NTNG2: variants seen among roughly 807,000 people sequenced by gnomAD.
NTNG2 encodes the protein netrin-G2.
Under a neutral mutation model 47.6 loss-of-function variants are expected in NTNG2, and 15 were observed. The observed-to-expected ratio is 0.32, with a 90% CI of 0.21 to 0.49. The LOEUF is 0.49. NTNG2 is among the 20% of genes least tolerant of loss of function. NTNG2 has a pLI of 0.99. For synonymous variants in NTNG2, 307 were observed against 324.6 expected (o/e 0.95, Z 0.58); for missense variants, 578 against 764.6 (o/e 0.76, Z 2.88).
At position 132,162,583 on chromosome 9, in the gene NTNG2, T is replaced by A. The variant is rs1456272210; in HGVS notation, c.-484+344T>A. Among the ~76,000 whole-genome samples the A allele has an allele frequency of 3.0e-5, 4 of 133,944 alleles. No individual in the cohort carries two copies. The highest frequency in any genetic ancestry group is 4.3e-4 in the East Asian group (2 of 4,630). 87.9% of individuals were successfully genotyped at this position (133,944 alleles called of 152,430 possible). On this transcript the variant is annotated intron_variant, in intron 1 of 7. Coordinates refer to ENST00000393229, the MANE Select transcript of NTNG2 (RefSeq NM_032536.4). This position sits in a 1 kb window ranked among gnomAD's most constrained non-coding sequence, Gnocchi z 4.6. The stretch of plus-strand genomic sequence containing the variant: ...GAGAGAGACAGAGTGTGTGTGTGTG[T>A]GTGTGTGTGTGTGTGTGTGTGTGTG...
Position 132,208,855 on chromosome 9 carries a change from C to T in NTNG2, c.857+10246C>T, listed in dbSNP as rs1005350383. Among the ~76,000 whole-genome samples the T allele has an allele frequency of 6.6e-6, 1 of 151,738 alleles. No individual in the cohort carries two copies. Among genetic ancestry groups the T allele is most frequent in the Non-Finnish European group, 1.5e-5 (1 of 68,012 alleles). ...ACCACAGCCTGGGCCCACAACAGCCCGTCTCTCCAAGAACTCCCGTCCCGA... is the reference window on the plus strand; with the variant it reads ...ACCACAGCCTGGGCCCACAACAGCCTGTCTCTCCAAGAACTCCCGTCCCGA... On this transcript the variant is annotated intron_variant, in intron 3 of 7. Transcript: ENST00000393229. The surrounding 1 kb of genome is among the most constrained non-coding windows in gnomAD (Gnocchi z 4.0).
Position 132,226,313 on chromosome 9 carries a change from G to T in NTNG2, c.858-536G>T, listed in dbSNP as rs1840752524. Reference sequence around the variant, plus strand: ...AATACACCTGTGAATGAACTGACGGGGGTGTGGGAGTTGGGGGTTCTATCT... The same window carrying T: ...AATACACCTGTGAATGAACTGACGGTGGTGTGGGAGTTGGGGGTTCTATCT... On this transcript the variant is annotated intron_variant, in intron 3 of 7. Coordinates refer to ENST00000393229, the MANE Select transcript of NTNG2 (RefSeq NM_032536.4). This position sits in a 1 kb window ranked among gnomAD's most constrained non-coding sequence, Gnocchi z 4.8. Among the ~76,000 whole-genome samples, 2 of 152,202 alleles carry T rather than the reference G, an allele frequency of 1.3e-5. No individual in the cohort carries two copies. Among genetic ancestry groups the T allele is most frequent in the Non-Finnish European group, 2.9e-5 (2 of 68,042 alleles).
rs970259797 is a variant in NTNG2 at position 132,197,338 on chromosome 9, G to A, written c.214-628G>A. ...TGGGAGGTGGAGGTTGCTGTGAGCC[G>A]AGATCGCCCCACTGCACTCCATCCT... On this transcript the variant is annotated intron_variant, in intron 2 of 7. Transcript: ENST00000393229. The surrounding 1 kb of genome is among the most constrained non-coding windows in gnomAD (Gnocchi z 4.3). 4.6e-5 allele frequency among the ~76,000 whole-genome samples: 7 copies of A among 152,094 alleles called. No individual in the cohort carries two copies. Among genetic ancestry groups the A allele is most frequent in the Non-Finnish European group, 7.4e-5 (5 of 68,020 alleles).
intron 3 of NTNG2, among the ~76,000 whole-genome samples, chr9:132,204,822 T>A (rs1839048829): frequency 6.6e-6 from 1 of 152,142 alleles, no homozygotes; most frequent in Non-Finnish European, 1.5e-5. Context: ...GTGCCTGTAA[T>A]CCTAGCACTT....
intron 3 of NTNG2, among the ~76,000 whole-genome samples, chr9:132,222,255 C>T (rs1464519756): frequency 6.6e-6 from 1 of 152,170 alleles, no homozygotes; most frequent in Non-Finnish European, 1.5e-5. Context: ...GGTTTAAGCA[C>T]AGAAACTTTC....
At position 132,208,078 on chromosome 9, in the gene NTNG2, T is replaced by C. The variant is rs1427388872; in HGVS notation, c.857+9469T>C. On this transcript the variant is annotated intron_variant, in intron 3 of 7. Coordinates refer to ENST00000393229, the MANE Select transcript of NTNG2 (RefSeq NM_032536.4). The surrounding 1 kb of genome is among the most constrained non-coding windows in gnomAD (Gnocchi z 4.0). ...ATGACTGTGCTACTGCACTCCAGCC[T>C]GGGCAACAGAGCGAGACCCTATCTC... is the stretch of plus-strand genomic sequence containing the variant. Among the ~76,000 whole-genome samples, 1 of 152,070 alleles carries C rather than the reference T, an allele frequency of 6.6e-6. No individual in the cohort carries two copies. The highest frequency in any genetic ancestry group is 6.5e-5 in the Admixed American group (1 of 15,268).
At chr9:132,179,156 C>T (rs1836731862) in intron 2 of NTNG2, among the ~76,000 whole-genome samples, 2 of 151,928 alleles carry the variant, frequency 1.3e-5, no homozygotes, top group South Asian at 2.1e-4. Flanking sequence ...GGGGCCCTCC[C>T]CAACCAGGTC....
chr9:132,214,452 G>A (rs1839828451), intron 3 of NTNG2, among the ~76,000 whole-genome samples: 1 of 152,234 alleles, frequency 6.6e-6, no homozygotes, highest in African/African-American at 2.4e-5. Context: ...ACGTTTCCCA[G>A]AGAACTGGTG....
At chr9:132,176,304 T>G (rs115936541) in intron 2 of NTNG2, among the ~76,000 whole-genome samples, 2,498 of 152,330 alleles carry the variant, frequency 0.016, 69 homozygotes, top group African/African-American at 0.056. Flanking sequence ...CCCAACACGT[T>G]TCCATCGCCC....
rs910844213 is a variant in NTNG2 at position 132,218,390 on chromosome 9, T to G, written c.858-8459T>G. On this transcript the variant is annotated intron_variant, in intron 3 of 7. Coordinates refer to ENST00000393229, the MANE Select transcript of NTNG2 (RefSeq NM_032536.4). This position sits in a 1 kb window ranked among gnomAD's most constrained non-coding sequence, Gnocchi z 5.4. ...GCTAATGTTCTAATTCGGGTGGCAC[T>G]CTCAGAACAGTTCCTCATGCAAAGT... 6.6e-6 allele frequency among the ~76,000 whole-genome samples: 1 copy of G among 152,228 alleles called. No individual in the cohort carries two copies. The highest frequency in any genetic ancestry group is 1.5e-5 in the Non-Finnish European group (1 of 68,036).
chr9:132,163,077 CT>C lies in NTNG2; in HGVS notation c.-484+842del, dbSNP rs1835205194. On this transcript the variant is annotated intron_variant, in intron 1 of 7. Coordinates refer to ENST00000393229, the MANE Select transcript of NTNG2 (RefSeq NM_032536.4). The surrounding 1 kb of genome is among the most constrained non-coding windows in gnomAD (Gnocchi z 7.2). ...AGTTCCTGGGCGCCCTGCTCTGTGTCTTTTAATTAAGAGAGGCAGTGCCGAA... is the reference window on the plus strand; with the variant it reads ...AGTTCCTGGGCGCCCTGCTCTGTGTCTTTAATTAAGAGAGGCAGTGCCGAA... Among the ~76,000 whole-genome samples the C allele has an allele frequency of 6.6e-6, 1 of 152,270 alleles. No homozygotes were observed. The highest frequency in any genetic ancestry group is 2.1e-4 in the South Asian group (1 of 4,830).
At chr9:132,223,918 C>G (rs1379999267) in intron 3 of NTNG2, among the ~76,000 whole-genome samples, 1 of 151,864 alleles carries the variant, frequency 6.6e-6, no homozygotes, top group Admixed American at 6.6e-5. Flanking sequence ...TCCTCCACCC[C>G]CCAGCCTCAT....
intron 2 of NTNG2, among the ~76,000 whole-genome samples, chr9:132,169,920 G>C (rs1171039096): frequency 6.6e-6 from 1 of 152,190 alleles, no homozygotes; most frequent in Non-Finnish European, 1.5e-5. Context: ...GCATGTGGAA[G>C]ATGCAGGCTG....
intron 4 of NTNG2, among the ~76,000 whole-genome samples, chr9:132,230,096 G>A (rs2769645): frequency 2.0e-5 from 3 of 152,252 alleles, no homozygotes; most frequent in Non-Finnish European, 4.4e-5. Flanking sequence ...TGCCTGGCAC[G>A]TGGGACGCAC....
chr9:132,176,604 TGAGC>T (rs1836481362), intron 2 of NTNG2, among the ~76,000 whole-genome samples: 2 of 152,246 alleles, frequency 1.3e-5, no homozygotes, highest in Non-Finnish European at 2.9e-5. Context: ...GATGGACATT[TGAGC>T]TGCTTCTGCT....
chr9:132,170,260 A>AG (rs1224014890), intron 2 of NTNG2, among the ~76,000 whole-genome samples: 1 of 152,232 alleles, frequency 6.6e-6, no homozygotes, highest in Non-Finnish European at 1.5e-5. Context: ...CTTGCAAGGA[A>AG]GGGGAGGAGG....
intron 5 of NTNG2, among the ~76,000 whole-genome samples, chr9:132,237,880 G>A (rs1332767021): frequency 6.6e-6 from 1 of 152,210 alleles, no homozygotes; most frequent in Non-Finnish European, 1.5e-5. Context: ...GGGACACTTA[G>A]AGGATGCCTC....
chr9:132,227,152 A>G, intron 4 of NTNG2, 131 bp downstream of exon 4: 1 of 995,774 alleles, frequency 1.0e-6, no homozygotes, highest in Non-Finnish European at 1.4e-6. Context: ...CATGCATGCA[A>G]ACGTGCACAC....
At chr9:132,177,632 T>C (rs1198020940) in intron 2 of NTNG2, among the ~76,000 whole-genome samples, 1 of 152,190 alleles carries the variant, frequency 6.6e-6, no homozygotes, top group Non-Finnish European at 1.5e-5. Context: ...ACTTCTGGAC[T>C]CTCAAATCTC....
Sources: gnomAD v4.1 joint callset for allele counts (sites outside exome capture counted in the v4.1 genomes callset) on GRCh38, gnomAD v4.1.1 for gene constraint, Gnocchi (gnomAD v3.1) non-coding constraint, MANE v1.5 for transcripts, NCBI Gene and HGNC (gene_info 2026-07-23, HGNC 2026-07-21) for gene names.